MOB1B: variants seen among roughly 807,000 people sequenced by gnomAD.
MOB1B encodes the protein MOB kinase activator 1B, also known as MOB1 Mps One Binder homolog B.
MOB1B carries 19 observed loss-of-function variants against 24.4 expected under a neutral mutation model. The observed-to-expected ratio is 0.78, with a 90% CI of 0.54 to 1.14. The LOEUF (loss-of-function observed/expected upper bound fraction) is 1.14, where lower values mean the gene tolerates loss of function less well. Among genes scored for constraint, MOB1B ranks in the 50% most tolerant of loss-of-function variants. MOB1B has a pLI of 0.00. For synonymous variants in MOB1B, 76 were observed against 82.1 expected (o/e 0.93, Z 0.40); for missense variants, 243 against 259.6 (o/e 0.94, Z 0.44).
intron 1 of MOB1B, among the ~76,000 whole-genome samples, chr4:70,955,405 A>G (rs1737998291): frequency 6.6e-6 from 1 of 152,116 alleles, no homozygotes; most frequent in African/African-American, 2.4e-5. Context: ...TTTCCTAATT[A>G]ATCACACATA....
chr4:70,923,208 G>A (rs181766802), intron 1 of MOB1B, among the ~76,000 whole-genome samples: 21 of 152,210 alleles, frequency 1.4e-4, no homozygotes, highest in Admixed American at 7.9e-4. Context: ...TTACAACTGC[G>A]GGAGAATTCT....
intron 3 of MOB1B, among the ~76,000 whole-genome samples, chr4:70,970,574 A>C (rs1457694696): frequency 6.6e-6 from 1 of 152,192 alleles, no homozygotes; most frequent in East Asian, 1.9e-4. Context: ...TTTAACACCC[A>C]AAAAATGTGG....
upstream of MOB1B, chr4:70,902,252 G>T: frequency 3.6e-6 from 2 of 559,286 alleles, no homozygotes; most frequent in South Asian, 2.0e-5. Flanking sequence ...CTCGTGAGGT[G>T]GGGGCGGCGG....
upstream of MOB1B, among the ~76,000 whole-genome samples, chr4:70,901,970 C>CGTCCG (rs1332790437): frequency 6.6e-6 from 1 of 152,164 alleles, no homozygotes; most frequent in Admixed American, 6.5e-5. Context: ...CTTGGCCGGA[C>CGTCCG]ACTCACGGTG....
chr4:70,917,660 C>T (rs1364450744), intron 1 of MOB1B, among the ~76,000 whole-genome samples: 1 of 152,178 alleles, frequency 6.6e-6, no homozygotes, highest in Non-Finnish European at 1.5e-5. Flanking sequence ...TAAAAATACA[C>T]TGTAGTATAA....
intron 1 of MOB1B, among the ~76,000 whole-genome samples, chr4:70,924,262 C>T (rs1372177161): frequency 1.3e-5 from 2 of 152,140 alleles, no homozygotes; most frequent in Non-Finnish European, 2.9e-5. Flanking sequence ...CTCACTAACC[C>T]TTCTCCATAC....
At chr4:70,975,828 T>C in intron 4 of MOB1B, 1 of 904,306 alleles carries the variant, frequency 1.1e-6, no homozygotes, top group South Asian at 5.1e-5. Flanking sequence ...ACAGGTGTTC[T>C]ATGTTTTTCA....
At chr4:70,956,914 A>G (rs1040284282) in intron 1 of MOB1B, among the ~76,000 whole-genome samples, 4 of 152,054 alleles carry the variant, frequency 2.6e-5, no homozygotes, top group Admixed American at 2.0e-4. Flanking sequence ...ATAGATTCTT[A>G]CTTTATTTCA....
chr4:70,929,103 TAAAC>T (rs1736771581), intron 1 of MOB1B, among the ~76,000 whole-genome samples: 1 of 152,166 alleles, frequency 6.6e-6, no homozygotes, highest in Non-Finnish European at 1.5e-5. Context: ...TAATGCCAAA[TAAAC>T]AAGATAATAG....
chr4:70,914,302 T>A (rs912678845), intron 1 of MOB1B, among the ~76,000 whole-genome samples: 3 of 152,254 alleles, frequency 2.0e-5, no homozygotes, highest in Non-Finnish European at 4.4e-5. Flanking sequence ...TAAGGCAGTG[T>A]GGATATAAGG....
intron 4 of MOB1B, chr4:70,976,741 A>T (rs1235245744): frequency 2.1e-6 from 1 of 472,932 alleles, no homozygotes; most frequent in Non-Finnish European, 2.7e-6. Context: ...GCAATTTTTC[A>T]AGACTGAATT....
chr4:70,976,641 T>C lies in MOB1B; in HGVS notation c.409+1355T>C, dbSNP rs981450896. On this transcript the variant is annotated intron_variant, in intron 4 of 5. Transcript: ENST00000309395. ...TTTACGATTTTTTTTGAAAAAAAAA[T>C]GTGACAACAATATAAATAGTTGTTG... The C allele has an allele frequency of 1.0e-5, 10 of 964,532 alleles. No homozygotes were observed. In the South Asian group the frequency reaches 3.8e-4, roughly 37 times the overall value. The allele number at this position is 964,532 out of a possible 1,614,324, so 59.7% of individuals were successfully genotyped here.
At chr4:70,974,862 C>T (rs1476105911) in intron 3 of MOB1B, among the ~76,000 whole-genome samples, 2 of 152,154 alleles carry the variant, frequency 1.3e-5, no homozygotes, top group Admixed American at 6.5e-5. Context: ...AGTTTTTCTA[C>T]TACAATAATG....
At position 70,902,385 on chromosome 4, in the gene MOB1B, C is replaced by T. The variant is rs1735541963; in HGVS notation, c.-152C>T. On this transcript the variant is annotated 5_prime_UTR_variant, in exon 1 of 6. Transcript: ENST00000309395. ...CCCCCTGCCATTGGAACTAGCTGAG[C>T]CGAACTAGTTGCGGCCACCGAGCAG... is the stretch of plus-strand genomic sequence containing the variant. 1.3e-6 allele frequency: 1 copy of T among 760,692 alleles called. No homozygotes were observed. The highest frequency in any genetic ancestry group is 2.3e-6 in the Non-Finnish European group (1 of 435,110). The allele number at this position is 760,692 out of a possible 1,614,324, so 47.1% of individuals were successfully genotyped here. A position where few individuals can be genotyped will look rare whatever the true frequency, so the allele number is the denominator to read the frequency against.
At chr4:70,943,871 TAAAA>T (rs940351838) in intron 1 of MOB1B, among the ~76,000 whole-genome samples, 4 of 149,332 alleles carry the variant, frequency 2.7e-5, no homozygotes, top group African/African-American at 4.9e-5. Context: ...TCAATCAAAA[TAAAA>T]AAAAACAAAA....
At chr4:70,951,162 A>G (rs1426842381) in intron 1 of MOB1B, among the ~76,000 whole-genome samples, 1 of 152,132 alleles carries the variant, frequency 6.6e-6, no homozygotes, top group African/African-American at 2.4e-5. Flanking sequence ...AATAGGGGTA[A>G]TACAACAAAA....
rs566215032 is a variant in MOB1B at position 70,929,677 on chromosome 4, A to G, written c.14+27127A>G. ...TTTTTTTTTTTTGAGATGGAGTCTC[A>G]CTCTGTCGCCCAGGCTGGAGTGCAG... On this transcript the variant is annotated intron_variant, in intron 1 of 5. Transcript: ENST00000309395. Among the ~76,000 whole-genome samples, 1,250 of 127,252 alleles carry G rather than the reference A, an allele frequency of 9.8e-3. 8 individuals are homozygous for G. The highest frequency in any genetic ancestry group is 0.011 in the Non-Finnish European group (667 of 58,920). 83.5% of individuals were successfully genotyped at this position (127,252 alleles called of 152,430 possible).
At chr4:70,948,531 T>G (rs1478318044) in intron 1 of MOB1B, among the ~76,000 whole-genome samples, 1 of 152,202 alleles carries the variant, frequency 6.6e-6, no homozygotes, top group African/African-American at 2.4e-5. Context: ...CTTCCCTAAT[T>G]GTTTCTTTTC....
At chr4:70,938,183 T>G (rs1737161072) in intron 1 of MOB1B, among the ~76,000 whole-genome samples, 1 of 151,992 alleles carries the variant, frequency 6.6e-6, no homozygotes. Context: ...TGGATTTCTG[T>G]GTGCATGAGT....
Sources: allele counts gnomAD v4.1 joint callset (sites outside exome capture counted in the v4.1 genomes callset), GRCh38; gene constraint gnomAD v4.1.1; transcripts MANE v1.5; gene names NCBI Gene and HGNC (gene_info 2026-07-23, HGNC 2026-07-21).